The following SPAG17 variants were observed in gnomAD, a reference collection of about 807,000 sequenced individuals.
The protein encoded by SPAG17 is sperm associated antigen 17.
SPAG17 carries 169 observed loss-of-function variants against 273.6 expected under a neutral mutation model. The ratio of observed to expected loss-of-function variants is 0.62; its 90% CI spans 0.55 to 0.70. SPAG17 has a LOEUF of 0.70. Ranked by LOEUF, SPAG17 falls within the 30% of genes least tolerant of loss-of-function variation. The pLI, the probability that SPAG17 is intolerant of heterozygous loss-of-function variation, is 0.00. For missense variants in SPAG17, 2,557 were observed against 2,627.8 expected, an observed-to-expected ratio of 0.97 and a Z score of 0.59; for synonymous variants, 825 against 873.2, an observed-to-expected ratio of 0.94 and a Z score of 0.97.
In SPAG17 at chr1:118,180,317, C is replaced by T. The variant is rs112316413; in HGVS notation, c.87+4754G>A. ...TTTATAGCAACAAGGATGGAACTGG[C>T]GTTCATTATGTTAAGTGAAATAAGG... On this transcript the variant is annotated intron_variant, in intron 1 of 48. Coordinates refer to ENST00000336338, the MANE Select transcript of SPAG17 (RefSeq NM_206996.4). 7.0e-3 allele frequency among the ~76,000 whole-genome samples: 1,066 copies of T among 151,978 alleles called. 13 individuals are homozygous for T. The highest frequency in any genetic ancestry group is 0.018 in the African/African-American group (743 of 41,518).
intron 3 of SPAG17, among the ~76,000 whole-genome samples, chr1:118,137,996 G>C (rs1483944024): frequency 6.6e-6 from 1 of 152,122 alleles, no homozygotes; most frequent in African/African-American, 2.4e-5. Flanking sequence ...CCCCCTCTAA[G>C]GAAACAAGGC....
At chr1:118,043,063 G>A (rs1357599174) in intron 20 of SPAG17, among the ~76,000 whole-genome samples, 1 of 152,110 alleles carries the variant, frequency 6.6e-6, no homozygotes, top group Non-Finnish European at 1.5e-5. Flanking sequence ...AAAGACTACA[G>A]ATATTGTAAT....
chr1:118,019,458 T>C (rs1264782269), intron 28 of SPAG17, among the ~76,000 whole-genome samples: 1 of 151,408 alleles, frequency 6.6e-6, no homozygotes, highest in African/African-American at 2.4e-5. Context: ...AACCAAAGCA[T>C]AGAAGTAAAA....
At position 118,040,851 on chromosome 1, in the gene SPAG17, A is replaced by G; in HGVS notation, c.3055-10T>C. On this transcript the variant is annotated splice_polypyrimidine_tract_variant and intron_variant, in intron 21 of 48. Coordinates refer to ENST00000336338, the MANE Select transcript of SPAG17 (RefSeq NM_206996.4). The stretch of plus-strand genomic sequence containing the variant: ...TATTGTATCCGTGAAACTAGAAGAG[A>G]AAATATTATGCTTTGAGTGTGAAGC... 1 of 1,504,282 alleles carries G rather than the reference A, an allele frequency of 6.6e-7. No individual in the cohort carries two copies. Among genetic ancestry groups the G allele is most frequent in the African/African-American group, 1.4e-5 (1 of 73,182 alleles). The allele number at this position is 1,504,282 out of a possible 1,614,324, so 93.2% of individuals were successfully genotyped here.
intron 22 of SPAG17, among the ~76,000 whole-genome samples, chr1:118,039,832 T>G (rs1326769930): frequency 6.6e-6 from 1 of 152,128 alleles, no homozygotes; most frequent in Non-Finnish European, 1.5e-5. Flanking sequence ...AGGAAATGCT[T>G]AGAGATGTCA....
chr1:118,011,783 A>T (rs1383456105), intron 30 of SPAG17, among the ~76,000 whole-genome samples: 1 of 152,040 alleles, frequency 6.6e-6, no homozygotes, highest in Non-Finnish European at 1.5e-5. Flanking sequence ...CACAGTGAGG[A>T]GTGTGTTGGA....
At position 118,031,771 on chromosome 1, in the gene SPAG17, G is replaced by T; in HGVS notation, c.3530C>A (p.Ala1177Asp). 6.2e-7 allele frequency: 1 copy of T among 1,613,606 alleles called. No homozygotes were observed. The highest frequency in any genetic ancestry group is 8.5e-7 in the Non-Finnish European group (1 of 1,179,784). ...TTCTTTGCCTTTTATTTTCCCTTTA[G>T]CTTTGCTTTGAGGAACGGTCACTAT... The part of the protein sequence containing the change: ...PVIVTVPQSK[A>D]KGKIKGKEKP... Residue 1177 changes from alanine to aspartate, a missense_variant, in exon 25 of 49, where the codon GCT becomes GAT. Coordinates refer to ENST00000336338, the MANE Select transcript of SPAG17 (RefSeq NM_206996.4).
chr1:118,069,409 C>T lies in SPAG17; in HGVS notation c.2386-2510G>A, dbSNP rs528591911. On this transcript the variant is annotated intron_variant, in intron 17 of 48. Transcript: ENST00000336338. ...GCTTGAAGATATATTTGGAGGTATA[C>T]CCCTTAAACACTGATGATGGATTAG... Among the ~76,000 whole-genome samples the T allele has an allele frequency of 9.4e-5, 14 of 148,242 alleles. No homozygotes were observed. The South Asian group carries it at 2.3e-3, about 25-fold the overall frequency.
In SPAG17 at chr1:118,151,296, G is replaced by GT; in HGVS notation, c.160dup (p.Thr54AsnfsTer10). 6.2e-7 allele frequency: 1 copy of GT among 1,613,630 alleles called. No individual in the cohort carries two copies. Among genetic ancestry groups the GT allele is most frequent in the Non-Finnish European group, 8.5e-7 (1 of 1,179,684 alleles). ...ACGCTGAGGGACCTGGACAGCCACG[G>GT]TAAGGGCTTGGATGAGAAGATCATC... On this transcript the variant is annotated frameshift_variant, in exon 2 of 49. Transcript: ENST00000336338. LOFTEE classifies it high-confidence loss of function.
chr1:118,115,464 G>A, intron 3 of SPAG17, 23 bp from the exon 4 acceptor site: 2 of 1,590,940 alleles, frequency 1.3e-6, no homozygotes, highest in African/African-American at 1.4e-5. Flanking sequence ...ACAATTATTA[G>A]AAAAAGTGAT....
At position 118,150,633 on chromosome 1, in the gene SPAG17, T is replaced by C; in HGVS notation, c.229-4A>G. The C allele has an allele frequency of 6.9e-7, 1 of 1,448,320 alleles. No individual in the cohort carries two copies. Among genetic ancestry groups the C allele is most frequent in the Non-Finnish European group, 9.5e-7 (1 of 1,049,460 alleles). 89.7% of individuals were successfully genotyped at this position (1,448,320 alleles called of 1,614,324 possible). On this transcript the variant is annotated splice_region_variant and splice_polypyrimidine_tract_variant and intron_variant, in intron 2 of 48. Coordinates refer to ENST00000336338, the MANE Select transcript of SPAG17 (RefSeq NM_206996.4). ...CAAGTGTATTTATTTCATTAATCTGTAAGAAAATTAAATTTACTTATGATG... is the reference window on the plus strand; with the variant it reads ...CAAGTGTATTTATTTCATTAATCTGCAAGAAAATTAAATTTACTTATGATG...
At chr1:118,180,933 A>C (rs1660910569) in intron 1 of SPAG17, among the ~76,000 whole-genome samples, 1 of 152,076 alleles carries the variant, frequency 6.6e-6, no homozygotes, top group Non-Finnish European at 1.5e-5. Context: ...AAAATGTATA[A>C]AATTAATTAT....
At position 117,959,439 on chromosome 1, in the gene SPAG17, T is replaced by C. The variant is rs116485472; in HGVS notation, c.*4360A>G. 2,008 of 1,609,710 alleles carry C rather than the reference T, an allele frequency of 1.2e-3. 31 individuals carry two copies. The African/African-American group carries it at 0.023, about 19-fold the overall frequency. On this transcript the variant is annotated intron_variant, in intron 48 of 48. Transcript: ENST00000336338. ...AAAGAGGGAGAAGTTGATTCTAACG[T>C]TGACTTAGAACTGAAATGTGGTATC...
intron 3 of SPAG17, among the ~76,000 whole-genome samples, chr1:118,147,931 G>C (rs914512099): frequency 6.6e-6 from 1 of 152,156 alleles, no homozygotes; most frequent in Admixed American, 6.5e-5. Context: ...AAACCAGAAA[G>C]CCTAATTGAT....
chr1:118,174,346 G>C (rs926766688), intron 1 of SPAG17, among the ~76,000 whole-genome samples: 5 of 152,080 alleles, frequency 3.3e-5, no homozygotes, highest in African/African-American at 9.7e-5. Context: ...AATTTCACTA[G>C]AGGGATTCAG....
rs540170331 is a variant in SPAG17 at position 117,981,470 on chromosome 1, C to T, written c.5873-69G>A. The T allele has an allele frequency of 2.0e-4, 286 of 1,448,460 alleles. No individual in the cohort carries two copies. In the African/African-American group the frequency reaches 4.0e-3, roughly 20 times the overall value. 89.7% of individuals were successfully genotyped at this position (1,448,460 alleles called of 1,614,324 possible). On this transcript the variant is annotated intron_variant, in intron 42 of 48. Transcript: ENST00000336338. ...ATGATATAATGACTACTAATGTTTG[C>T]ATGAACAAACATTGAAGAAGGTGTT...
intron 21 of SPAG17, 70 bp downstream of exon 21, chr1:118,041,733 A>G: frequency 6.5e-7 from 1 of 1,543,600 alleles, no homozygotes; most frequent in Non-Finnish European, 8.7e-7. Flanking sequence ...AGAATCTTAT[A>G]ATAACCGTAT....
In SPAG17 at chr1:118,147,829, G is replaced by C. The variant is rs140849267; in HGVS notation, c.315+2714C>G. The stretch of plus-strand genomic sequence containing the variant: ...GGAGTCATTATTGGAAATATGCAAT[G>C]TGGCTCTGACACTATTTTACTACTC... On this transcript the variant is annotated intron_variant, in intron 3 of 48. Transcript: ENST00000336338. 2.0e-5 allele frequency among the ~76,000 whole-genome samples: 3 copies of C among 152,310 alleles called. No individual in the cohort carries two copies. In the East Asian group the frequency reaches 5.8e-4, roughly 29 times the overall value.
rs556897343 is a variant in SPAG17 at position 118,179,069 on chromosome 1, A to AATG, written c.87+5999_87+6001dup. Among the ~76,000 whole-genome samples the AATG allele has an allele frequency of 3.0e-3, 455 of 152,162 alleles. 3 individuals carry two copies. Among genetic ancestry groups the AATG allele is most frequent in the African/African-American group, 0.01 (434 of 41,548 alleles). On this transcript the variant is annotated intron_variant, in intron 1 of 48. Transcript: ENST00000336338. ...GTTATGCAATCCCTATTAAAATACT[A>AATG]ATGACGGTCTTCACAGAAATAGAAA...
Sources: gnomAD v4.1 joint callset for allele counts (sites outside exome capture counted in the v4.1 genomes callset) on GRCh38, gnomAD v4.1.1 for gene constraint, MANE v1.5 for transcripts, NCBI Gene and HGNC (gene_info 2026-07-23, HGNC 2026-07-21) for gene names.